The following MDM2 variants were observed in gnomAD, a reference collection of about 807,000 sequenced individuals.
MDM2 encodes E3 ubiquitin-protein ligase Mdm2.
Under a neutral mutation model 64.3 loss-of-function variants are expected in MDM2, and 11 were observed. The ratio of observed to expected loss-of-function variants is 0.17; its 90% CI spans 0.11 to 0.28. The LOEUF is 0.28. MDM2 is among the 10% of genes least tolerant of loss of function. The probability of loss-of-function intolerance (pLI) is 1.00; values close to 1 mark genes in which losing one functional copy is unlikely to be tolerated. For synonymous variants in MDM2, 194 were observed against 192.9 expected (o/e 1.01, Z -0.05); for missense variants, 388 against 577.1 (o/e 0.67, Z 3.36).
chr12:68,838,776 A>T (rs1306393470), intron 10 of MDM2, among the ~76,000 whole-genome samples: 2 of 152,248 alleles, frequency 1.3e-5, no homozygotes, highest in African/African-American at 2.4e-5. Context: ...ATCCTGAAAC[A>T]GATAACTTTA....
chr12:68,849,399 T>TTGTTG (rs796284652), downstream of MDM2: 1 of 129,090 alleles, frequency 7.7e-6, no homozygotes, highest in African/African-American at 2.6e-5. Flanking sequence ...CGTTTTTTTT[T>TTGTTG]TTGTTGTTGT....
At position 68,824,408 on chromosome 12, in the gene MDM2, T is replaced by C; in HGVS notation, c.404T>C (p.Leu135Pro). 6.2e-7 allele frequency: 1 copy of C among 1,612,310 alleles called. No homozygotes were observed. The highest frequency in any genetic ancestry group is 8.5e-7 in the Non-Finnish European group (1 of 1,178,844). Residue 135 changes from leucine to proline, a missense_variant, in exon 6 of 11, where the codon CTT becomes CCT. Coordinates refer to ENST00000258149, the MANE Select transcript of MDM2 (RefSeq NM_002392.6). ...GTSVSENRCH[L>P]EGGSDQKDLV... ...TCTGTGAGTGAGAACAGGTGTCACC[T>C]TGAAGGTGGGAGTGATCAAAAGGTA...
At chr12:68,837,595 A>T (rs1883413013) in intron 10 of MDM2, among the ~76,000 whole-genome samples, 1 of 152,086 alleles carries the variant, frequency 6.6e-6, no homozygotes, top group Admixed American at 6.5e-5. Flanking sequence ...GGCTCAAGTG[A>T]TCCACCTGCC....
At position 68,841,187 on chromosome 12, in the gene MDM2, C is replaced by A. The variant is rs905542388; in HGVS notation, c.*1338C>A. 1 of 183,512 alleles carries A rather than the reference C, an allele frequency of 5.4e-6. No individual in the cohort carries two copies. Among genetic ancestry groups the A allele is most frequent in the African/African-American group, 2.4e-5 (1 of 42,212 alleles). 11.4% of individuals were successfully genotyped at this position (183,512 alleles called of 1,614,324 possible). ...ACCTTCTGATCCTTAGTTTCTCTCT[C>A]CAAAATACTCTTTCTAGGTTAAAAA... is the stretch of plus-strand genomic sequence containing the variant. On this transcript the variant is annotated 3_prime_UTR_variant, in exon 11 of 11. Coordinates refer to ENST00000258149, the MANE Select transcript of MDM2 (RefSeq NM_002392.6).
intron 4 of MDM2, among the ~76,000 whole-genome samples, chr12:68,818,446 A>G (rs1881570909): frequency 6.6e-6 from 1 of 150,876 alleles, no homozygotes; most frequent in African/African-American, 2.4e-5. Context: ...TTTACCAGTC[A>G]TTTGTGTATT....
chr12:68,809,055 G>A, intron 1 of MDM2, 153 bp from the exon 2 acceptor site: 1 of 1,497,712 alleles, frequency 6.7e-7, no homozygotes, highest in South Asian at 1.4e-5. Flanking sequence ...CTGTGGGCAC[G>A]GACGCACGCC....
chr12:68,811,127 A>G (rs1014945482), intron 2 of MDM2, among the ~76,000 whole-genome samples: 5 of 152,110 alleles, frequency 3.3e-5, no homozygotes, highest in Non-Finnish European at 7.4e-5. Flanking sequence ...GGCCTCCCAA[A>G]GTGCTGGGAT....
intron 4 of MDM2, chr12:68,817,149 A>G: frequency 5.9e-6 from 3 of 507,078 alleles, no homozygotes; most frequent in Non-Finnish European, 1.0e-5. Flanking sequence ...TAGCCCAATC[A>G]TTTACTAGTT....
chr12:68,811,727 G>A (rs1446932121), intron 2 of MDM2, among the ~76,000 whole-genome samples: 1 of 149,294 alleles, frequency 6.7e-6, no homozygotes, highest in Non-Finnish European at 1.5e-5. Context: ...GCAGCCTCCC[G>A]AGTAGCTGGG....
intron 2 of MDM2, 96 bp from the exon 3 acceptor site, chr12:68,813,458 A>G (rs1308195532): frequency 2.7e-5 from 21 of 773,994 alleles, no homozygotes; most frequent in Non-Finnish European, 2.2e-6. Context: ...ATTTTTTCCA[A>G]ATCCCCTTTA....
intron 10 of MDM2, among the ~76,000 whole-genome samples, chr12:68,838,898 T>C (rs969265111): frequency 6.6e-6 from 1 of 152,214 alleles, no homozygotes; most frequent in Non-Finnish European, 1.5e-5. Context: ...GAGAGACTGT[T>C]ACATATTGAC....
chr12:68,824,985 G>T (rs571231857), intron 7 of MDM2, among the ~76,000 whole-genome samples: 2 of 152,236 alleles, frequency 1.3e-5, no homozygotes, highest in Non-Finnish European at 2.9e-5. Context: ...GAGGCTGGCG[G>T]ATCACGAGGT....
chr12:68,811,190 T>C (rs980574602), intron 2 of MDM2, among the ~76,000 whole-genome samples: 2 of 152,240 alleles, frequency 1.3e-5, no homozygotes, highest in African/African-American at 4.8e-5. Flanking sequence ...CATTTATTTC[T>C]TCTGGGACTT....
In MDM2 at chr12:68,824,631, G is replaced by C. The variant is rs1424278368; in HGVS notation, c.503G>C (p.Arg168Thr). Residue 168 changes from arginine (R) to threonine (T), a missense_variant, in exon 7 of 11, where the codon AGG (arginine) becomes ACG (threonine). Around this residue, in one of 5 missense-constraint regions of MDM2, gnomAD observed 168 missense variants for 236.6 expected, o/e 0.71. Transcript: ENST00000258149. ...LVSRPSTSSR[R>T]RAISETEENS... is the part of the protein sequence containing the mutation. ...TCTAGACCATCTACCTCATCTAGAAGGAGAGCAATTAGTGAGACAGGTATA... is the reference window on the plus strand; with the variant it reads ...TCTAGACCATCTACCTCATCTAGAACGAGAGCAATTAGTGAGACAGGTATA... 6.2e-7 allele frequency: 1 copy of C among 1,607,398 alleles called. No individual in the cohort carries two copies. Among genetic ancestry groups the C allele is most frequent in the Admixed American group, 1.7e-5 (1 of 59,620 alleles).
chr12:68,841,915 A>G lies in MDM2; in HGVS notation c.*2066A>G. 4.0e-6 allele frequency: 1 copy of G among 248,682 alleles called. No homozygotes were observed. The highest frequency in any genetic ancestry group is 8.1e-6 in the Non-Finnish European group (1 of 123,896). 15.4% of individuals were successfully genotyped at this position (248,682 alleles called of 1,614,324 possible). A position where few individuals can be genotyped will look rare whatever the true frequency, so the allele number is the denominator to read the frequency against. On this transcript the variant is annotated 3_prime_UTR_variant, in exon 11 of 11. Transcript: ENST00000258149. ...TGTTTGGTCAGTGGAGGCCCATCCGAGCTCAGCACTGAGAAGTGTTAGTTT... is the reference window on the plus strand; with the variant it reads ...TGTTTGGTCAGTGGAGGCCCATCCGGGCTCAGCACTGAGAAGTGTTAGTTT...
chr12:68,821,838 T>C (rs1881882484), intron 5 of MDM2, among the ~76,000 whole-genome samples: 1 of 152,160 alleles, frequency 6.6e-6, no homozygotes, highest in Non-Finnish European at 1.5e-5. Context: ...TATTGTAAAA[T>C]TGCTTTGTTT....
downstream of MDM2, chr12:68,846,493 C>T (rs151187823): frequency 9.1e-3 from 1,387 of 152,258 alleles, 12 homozygotes; most frequent in South Asian, 0.023. Context: ...TTGGTTCACA[C>T]CTCCCCAGCC....
intron 4 of MDM2, among the ~76,000 whole-genome samples, chr12:68,817,438 A>T (rs1405662339): frequency 1.3e-5 from 2 of 152,148 alleles, no homozygotes; most frequent in African/African-American, 4.8e-5. Context: ...TAACCAGCAG[A>T]ATTTAACCCA....
intron 8 of MDM2, among the ~76,000 whole-genome samples, chr12:68,830,162 A>T (rs1695144): frequency 6.6e-6 from 1 of 151,940 alleles, no homozygotes; most frequent in Non-Finnish European, 1.5e-5. Flanking sequence ...AAACCAAAGG[A>T]TTGGATACAT....
Sources: gnomAD v4.1 joint callset for allele counts (sites outside exome capture counted in the v4.1 genomes callset) on GRCh38, gnomAD v4.1.1 for gene constraint, gnomAD v4.1.1 regional missense constraint, MANE v1.5 for transcripts, NCBI Gene and HGNC (gene_info 2026-07-23, HGNC 2026-07-21) for gene names.